The following MAD1L1 variants were observed in gnomAD, a reference collection of about 807,000 sequenced individuals.
MAD1L1 encodes mitotic arrest deficient 1 like 1, also known as mitotic spindle assembly checkpoint protein MAD1.
A neutral mutation model predicts 96.9 loss-of-function variants in MAD1L1; 95 were observed. That is an observed-to-expected ratio of 0.98 (90% confidence interval 0.83 to 1.16). The LOEUF is 1.16. MAD1L1 is among the 50% of genes most tolerant of loss of function. The probability of loss-of-function intolerance (pLI) is 0.00; values close to 1 mark genes in which losing one functional copy is unlikely to be tolerated. For missense variants in MAD1L1, 1,007 were observed against 954.4 expected (o/e 1.06, Z -0.73); for synonymous variants, 473 against 396.6 (o/e 1.19, Z -2.29).
intron 14 of MAD1L1, among the ~76,000 whole-genome samples, chr7:1,995,708 C>T (rs1300725613): frequency 7.2e-5 from 11 of 152,130 alleles, no homozygotes; most frequent in Non-Finnish European, 1.5e-4. Flanking sequence ...CACCAGCGCG[C>T]GCGGGGACAT....
At chr7:2,203,663 C>T (rs535719133) in intron 10 of MAD1L1, among the ~76,000 whole-genome samples, 3 of 152,210 alleles carry the variant, frequency 2.0e-5, no homozygotes, top group Non-Finnish European at 4.4e-5. Context: ...GACCAGCCTG[C>T]GCTGGGGCCA....
intron 18 of MAD1L1, among the ~76,000 whole-genome samples, chr7:1,856,285 G>A (rs1226824001): frequency 1.3e-5 from 2 of 152,220 alleles, no homozygotes; most frequent in African/African-American, 4.8e-5. Context: ...GAAATGAAGG[G>A]AAGGAACATC....
chr7:2,047,322 T>G lies in MAD1L1; in HGVS notation c.1218+21872A>C, dbSNP rs567346516. ...ACCCTGGGGGCCTGTCTGCAGACCG[T>G]GCCGATGATTGCTTCCGTCTGGAAG... is the stretch of plus-strand genomic sequence containing the variant. On this transcript the variant is annotated intron_variant, in intron 12 of 18. Coordinates refer to ENST00000265854, the MANE Select transcript of MAD1L1 (RefSeq NM_001013836.2). Among the ~76,000 whole-genome samples the G allele has an allele frequency of 1.5e-4, 23 of 152,312 alleles. No individual in the cohort carries two copies. The East Asian group carries it at 4.1e-3, about 27-fold the overall frequency.
At chr7:2,003,315 G>A (rs1781888709) in intron 13 of MAD1L1, among the ~76,000 whole-genome samples, 2 of 152,170 alleles carry the variant, frequency 1.3e-5, no homozygotes, top group South Asian at 4.1e-4. Context: ...TGTGGCATGT[G>A]CACATGTGGT....
At chr7:1,978,740 T>C (rs2128482974) in intron 15 of MAD1L1, among the ~76,000 whole-genome samples, 1 of 152,018 alleles carries the variant, frequency 6.6e-6, no homozygotes, top group Admixed American at 6.5e-5. Context: ...ACAGAGCCTC[T>C]AGGTGAAGAA....
chr7:2,017,137 C>T (rs1782579421), intron 12 of MAD1L1, among the ~76,000 whole-genome samples: 1 of 152,220 alleles, frequency 6.6e-6, no homozygotes. Flanking sequence ...GTTTTGTCAC[C>T]GGTAGTGAAA....
chr7:1,954,210 TCAC>T (rs1405918678), intron 16 of MAD1L1, among the ~76,000 whole-genome samples: 2 of 152,092 alleles, frequency 1.3e-5, no homozygotes, highest in Admixed American at 6.5e-5. Flanking sequence ...CAGGCCTGGT[TCAC>T]CAGGTATGTG....
chr7:1,817,291 G>T (rs554167579), intron 18 of MAD1L1, among the ~76,000 whole-genome samples: 50 of 152,264 alleles, frequency 3.3e-4, no homozygotes, highest in African/African-American at 1.2e-3. Flanking sequence ...AGAGCTGGAC[G>T]CAGAGTCCAT....
At chr7:1,918,638 T>G (rs976075389) in intron 17 of MAD1L1, among the ~76,000 whole-genome samples, 1 of 152,198 alleles carries the variant, frequency 6.6e-6, no homozygotes, top group African/African-American at 2.4e-5. Context: ...CCTTTACAAC[T>G]CTAATTACAC....
At chr7:1,998,880 TCCC>T (rs974390145) in intron 14 of MAD1L1, among the ~76,000 whole-genome samples, 5 of 87,644 alleles carry the variant, frequency 5.7e-5, no homozygotes, top group Non-Finnish European at 7.1e-5. Context: ...GTCCACAGAG[TCCC>T]CTAACCCCAC....
At chr7:2,085,699 C>G (rs1255293390) in intron 11 of MAD1L1, among the ~76,000 whole-genome samples, 3 of 152,194 alleles carry the variant, frequency 2.0e-5, no homozygotes, top group Non-Finnish European at 4.4e-5. Context: ...GGGTGGACAG[C>G]CGTGTTGTTT....
intron 14 of MAD1L1, among the ~76,000 whole-genome samples, chr7:1,985,572 C>T (rs1227989373): frequency 4.6e-5 from 7 of 152,258 alleles, no homozygotes; most frequent in Admixed American, 6.5e-5. Flanking sequence ...TCTGTGTCTT[C>T]GGCTCTCAAC....
chr7:1,898,415 G>T (rs1787029815), intron 17 of MAD1L1, 25 bp from the exon 18 acceptor site: 2 of 1,607,698 alleles, frequency 1.2e-6, no homozygotes, highest in East Asian at 4.5e-5. Flanking sequence ...GAAGGAGACA[G>T]TGAGTGCGGC....
At chr7:2,050,342 A>G (rs372085077) in intron 12 of MAD1L1, among the ~76,000 whole-genome samples, 1 of 152,248 alleles carries the variant, frequency 6.6e-6, no homozygotes, top group Non-Finnish European at 1.5e-5. Flanking sequence ...GCCTGCTGGA[A>G]GCAGGGAATC....
intron 12 of MAD1L1, among the ~76,000 whole-genome samples, chr7:2,055,106 G>A (rs186127713): frequency 6.6e-6 from 1 of 152,256 alleles, no homozygotes; most frequent in Non-Finnish European, 1.5e-5. Context: ...GCGGGGCCAA[G>A]CCTCCCTCCA....
At chr7:1,917,307 A>T (rs973741857) in intron 17 of MAD1L1, among the ~76,000 whole-genome samples, 2 of 152,158 alleles carry the variant, frequency 1.3e-5, no homozygotes, top group African/African-American at 4.8e-5. Flanking sequence ...AGCCCTGCAC[A>T]CGTGCGCTGT....
chr7:1,978,199 T>C (rs1780735118), intron 15 of MAD1L1, among the ~76,000 whole-genome samples: 1 of 152,226 alleles, frequency 6.6e-6, no homozygotes, highest in Admixed American at 6.5e-5. Context: ...CATCCAGCCT[T>C]GGCCTTGGTG....
intron 10 of MAD1L1, among the ~76,000 whole-genome samples, chr7:2,212,139 G>A (rs748629586): frequency 6.6e-6 from 1 of 152,226 alleles, no homozygotes; most frequent in Admixed American, 6.5e-5. Context: ...CCAACTGAGC[G>A]GCTGCTGGAG....
chr7:2,108,897 A>T (rs567174196), intron 11 of MAD1L1, among the ~76,000 whole-genome samples: 39 of 152,218 alleles, frequency 2.6e-4, no homozygotes, highest in Non-Finnish European at 4.7e-4. Flanking sequence ...CTTCACTGGC[A>T]CATCTCTGAG....
Sources: allele counts gnomAD v4.1 joint callset (sites outside exome capture counted in the v4.1 genomes callset), GRCh38; gene constraint gnomAD v4.1.1; transcripts MANE v1.5; gene names NCBI Gene and HGNC (gene_info 2026-07-23, HGNC 2026-07-21).